Variants in CACNA2D3 observed in about 807,000 individuals in gnomAD.
CACNA2D3 encodes the protein calcium voltage-gated channel auxiliary subunit alpha2delta 3, also known as voltage-dependent calcium channel subunit alpha-2/delta-3.
A neutral mutation model predicts 160.6 loss-of-function variants in CACNA2D3; 60 were observed. The observed-to-expected ratio is 0.37, with a 90% confidence interval of 0.30 to 0.46. The LOEUF (loss-of-function observed/expected upper bound fraction) is 0.46. Ranked by LOEUF, CACNA2D3 falls within the 20% of genes least tolerant of loss-of-function variation. The pLI, the probability that CACNA2D3 is intolerant of heterozygous loss-of-function variation, is 1.00. For synonymous variants in CACNA2D3, 558 were observed against 492.9 expected (o/e 1.13, Z -1.75); for missense variants, 1,205 against 1,365.0 (o/e 0.88, Z 1.85).
At chr3:54,783,292 T>C (rs1702568498) in intron 13 of CACNA2D3, among the ~76,000 whole-genome samples, 1 of 151,934 alleles carries the variant, frequency 6.6e-6, no homozygotes, top group African/African-American at 2.4e-5. Flanking sequence ...AAACCCATGG[T>C]ACCCACTTTG....
intron 3 of CACNA2D3, among the ~76,000 whole-genome samples, chr3:54,360,403 G>T (rs1698721535): frequency 6.6e-6 from 1 of 152,208 alleles, no homozygotes; most frequent in Non-Finnish European, 1.5e-5. Context: ...TTTAATAAAA[G>T]TGACAGAGAC....
intron 18 of CACNA2D3, 68 bp downstream of exon 18, chr3:54,871,690 G>A (rs769757160): frequency 9.6e-5 from 120 of 1,256,226 alleles, no homozygotes; most frequent in Middle Eastern, 2.0e-4. Context: ...ACCTGGGGGC[G>A]ATCCCAGGAG....
chr3:54,885,235 T>G, intron 21 of CACNA2D3, 46 bp from the exon 22 acceptor site: 1 of 1,602,630 alleles, frequency 6.2e-7, no homozygotes, highest in Non-Finnish European at 8.6e-7. Context: ...ACAGGAGGAC[T>G]GGGGGAGTGA....
At chr3:54,158,796 A>G (rs73844321) in intron 2 of CACNA2D3, among the ~76,000 whole-genome samples, 10,596 of 152,254 alleles carry the variant, frequency 0.07, 1,202 homozygotes, top group African/African-American at 0.24. Context: ...CCATCTGCAT[A>G]CATGCAAAAG....
At chr3:54,814,539 A>G (rs1237678528) in intron 13 of CACNA2D3, among the ~76,000 whole-genome samples, 4 of 152,228 alleles carry the variant, frequency 2.6e-5, no homozygotes, top group Non-Finnish European at 4.4e-5. Flanking sequence ...AATATGTGCT[A>G]TTCTACCCTG....
chr3:54,851,548 G>A (rs555661831), intron 17 of CACNA2D3, among the ~76,000 whole-genome samples: 26 of 152,312 alleles, frequency 1.7e-4, no homozygotes, highest in African/African-American at 5.5e-4. Flanking sequence ...AGGCAGAGTG[G>A]TTGGAGGGTG....
intron 2 of CACNA2D3, among the ~76,000 whole-genome samples, chr3:54,293,399 T>C (rs1703255068): frequency 6.6e-6 from 1 of 152,120 alleles, no homozygotes; most frequent in Non-Finnish European, 1.5e-5. Flanking sequence ...ATCATTCTTA[T>C]GCCTTTATGT....
chr3:54,544,192 G>C (rs1702026048), intron 5 of CACNA2D3, among the ~76,000 whole-genome samples: 2 of 152,088 alleles, frequency 1.3e-5, no homozygotes. Context: ...TAGATGATAA[G>C]TACATAATAC....
intron 2 of CACNA2D3, among the ~76,000 whole-genome samples, chr3:54,270,360 A>C (rs1462807569): frequency 6.6e-6 from 1 of 152,212 alleles, no homozygotes; most frequent in South Asian, 2.1e-4. Context: ...GTGTTGCAGG[A>C]ATTAATCGAC....
intron 12 of CACNA2D3, among the ~76,000 whole-genome samples, chr3:54,753,962 C>T (rs1271787830): frequency 6.6e-6 from 1 of 152,146 alleles, no homozygotes; most frequent in African/African-American, 2.4e-5. Context: ...TACTATATAT[C>T]TCTTGAACTC....
At chr3:54,303,639 C>G (rs1254724516) in intron 2 of CACNA2D3, among the ~76,000 whole-genome samples, 1 of 152,142 alleles carries the variant, frequency 6.6e-6, no homozygotes, top group Admixed American at 6.5e-5. Flanking sequence ...TCAGTTTTCT[C>G]ATCTCTCAGG....
intron 2 of CACNA2D3, among the ~76,000 whole-genome samples, chr3:54,131,793 C>T (rs1258571759): frequency 6.6e-6 from 1 of 151,864 alleles, no homozygotes; most frequent in African/African-American, 2.4e-5. Flanking sequence ...TCCTCCTAAT[C>T]TTGTCCTTTG....
intron 2 of CACNA2D3, among the ~76,000 whole-genome samples, chr3:54,125,876 C>T (rs1699581336): frequency 6.6e-6 from 1 of 152,186 alleles, no homozygotes; most frequent in Admixed American, 6.5e-5. Flanking sequence ...TGTCCATTTG[C>T]ATGAGGAATT....
At chr3:54,151,223 A>C (rs553962199) in intron 2 of CACNA2D3, among the ~76,000 whole-genome samples, 2 of 151,192 alleles carry the variant, frequency 1.3e-5, no homozygotes, top group African/African-American at 4.9e-5. Context: ...TAATTAATGG[A>C]TGTAGAGATG....
At chr3:54,487,194 C>A (rs560828588) in intron 4 of CACNA2D3, among the ~76,000 whole-genome samples, 35 of 152,038 alleles carry the variant, frequency 2.3e-4, no homozygotes, top group African/African-American at 7.2e-4. Flanking sequence ...TAGTGAGACC[C>A]CATCTTTACA....
intron 9 of CACNA2D3, among the ~76,000 whole-genome samples, chr3:54,603,132 G>A (rs1703094588): frequency 6.6e-6 from 1 of 152,240 alleles, no homozygotes; most frequent in Non-Finnish European, 1.5e-5. Flanking sequence ...TAATTGGTGA[G>A]TCAGTTGCAC....
chr3:54,382,810 A>C (rs555992212), intron 3 of CACNA2D3, among the ~76,000 whole-genome samples: 1 of 152,308 alleles, frequency 6.6e-6, no homozygotes, highest in East Asian at 1.9e-4. Context: ...AAAGCAAAAC[A>C]AAACACAGTA....
intron 2 of CACNA2D3, among the ~76,000 whole-genome samples, chr3:54,135,325 C>G (rs1699795048): frequency 6.6e-6 from 1 of 152,178 alleles, no homozygotes; most frequent in South Asian, 2.1e-4. Context: ...ACTGCTGCAC[C>G]CTGCATGGGG....
chr3:54,611,738 A>T (rs191903545), intron 9 of CACNA2D3, among the ~76,000 whole-genome samples: 17 of 152,284 alleles, frequency 1.1e-4, no homozygotes, highest in Non-Finnish European at 1.6e-4. Flanking sequence ...CATCTTTAAT[A>T]TGTGATACCA....
Sources: allele counts gnomAD v4.1 joint callset (sites outside exome capture counted in the v4.1 genomes callset), GRCh38; gene constraint gnomAD v4.1.1; transcripts MANE v1.5; gene names NCBI Gene and HGNC (gene_info 2026-07-23, HGNC 2026-07-21).